The following ICA1 variants were observed in gnomAD, a reference collection of about 807,000 sequenced individuals.
ICA1 encodes islet cell autoantigen 1, also known as 69 kDa islet cell autoantigen.
Under a neutral mutation model 71.0 loss-of-function variants are expected in ICA1, and 40 were observed. The observed-to-expected ratio is 0.56, with a 90% CI of 0.44 to 0.73. The LOEUF (loss-of-function observed/expected upper bound fraction) is 0.73, where lower values mean the gene tolerates loss of function less well. Ranked by LOEUF, ICA1 falls within the 30% of genes least tolerant of loss-of-function variation. ICA1 has a pLI of 0.00. For missense variants in ICA1, 578 were observed against 576.5 expected, an observed-to-expected ratio of 1.00 and a Z score of -0.03; for synonymous variants, 207 against 209.5, an observed-to-expected ratio of 0.99 and a Z score of 0.10.
At chr7:8,178,584 T>C (rs1305304601) in intron 6 of ICA1, among the ~76,000 whole-genome samples, 1 of 151,394 alleles carries the variant, frequency 6.6e-6, no homozygotes, top group Non-Finnish European at 1.5e-5. Flanking sequence ...CTTTTTTTTT[T>C]TTTTTTAAAA....
In ICA1 at chr7:8,232,565, G is replaced by C. The variant is rs1339163843; in HGVS notation, c.183+25C>G. The C allele has an allele frequency of 5.0e-6, 8 of 1,585,140 alleles. No individual in the cohort carries two copies. In the Admixed American group the frequency reaches 5.3e-5, roughly 10 times the overall value. On this transcript the variant is annotated intron_variant, in intron 3 of 13. Coordinates refer to ENST00000402384, the MANE Select transcript of ICA1 (RefSeq NM_001136020.3). ...TGATCCTAGCAAGGTGGCTGTGTTGGGGCTGACAGCAATAAAGAGCTCACC... is the reference window on the plus strand; with the variant it reads ...TGATCCTAGCAAGGTGGCTGTGTTGCGGCTGACAGCAATAAAGAGCTCACC...
intron 1 of ICA1, among the ~76,000 whole-genome samples, chr7:8,250,962 G>A (rs1201521164): frequency 8.8e-6 from 1 of 113,290 alleles, no homozygotes; most frequent in Non-Finnish European, 1.7e-5. Context: ...GTGCAATTGT[G>A]ACATTACAGC....
At chr7:8,227,384 G>A (rs189650838) in intron 4 of ICA1, among the ~76,000 whole-genome samples, 3 of 152,210 alleles carry the variant, frequency 2.0e-5, no homozygotes, top group Non-Finnish European at 2.9e-5. Flanking sequence ...GAGAATCTGC[G>A]AGCTATTTAG....
chr7:8,249,514 C>T (rs1807397117), intron 1 of ICA1, among the ~76,000 whole-genome samples: 1 of 152,218 alleles, frequency 6.6e-6, no homozygotes, highest in Non-Finnish European at 1.5e-5. Flanking sequence ...GTTTATTTCA[C>T]ACTCGGTGGG....
At chr7:8,208,965 G>A (rs1009669205) in intron 6 of ICA1, among the ~76,000 whole-genome samples, 11 of 152,188 alleles carry the variant, frequency 7.2e-5, no homozygotes, top group African/African-American at 2.7e-4. Flanking sequence ...CCTGGAACTT[G>A]ATGGTTCCAC....
intron 6 of ICA1, among the ~76,000 whole-genome samples, chr7:8,181,044 T>C (rs563536143): frequency 1.3e-5 from 2 of 152,250 alleles, no homozygotes; most frequent in South Asian, 2.1e-4. Context: ...TGTTAAGAAC[T>C]CTTTATCTGT....
At chr7:8,124,824 T>C (rs1370717946) in intron 13 of ICA1, among the ~76,000 whole-genome samples, 3 of 152,024 alleles carry the variant, frequency 2.0e-5, no homozygotes, top group African/African-American at 4.8e-5. Flanking sequence ...TCCCTCACTC[T>C]GTCACCCAGA....
At chr7:8,235,778 T>C (rs1374980000) in intron 2 of ICA1, 132 bp downstream of exon 2, 1 of 853,090 alleles carries the variant, frequency 1.2e-6, no homozygotes, top group Non-Finnish European at 1.8e-6. Context: ...TGAATTTGGC[T>C]CAGCATTGGT....
intron 13 of ICA1, chr7:8,116,328 A>G (rs1314267644): frequency 2.6e-5 from 4 of 152,170 alleles, no homozygotes; most frequent in Non-Finnish European, 5.9e-5. Flanking sequence ...GACCAGTCTA[A>G]TATTCAAAAC....
At chr7:8,214,913 A>G (rs560819603) in intron 6 of ICA1, among the ~76,000 whole-genome samples, 18 of 152,312 alleles carry the variant, frequency 1.2e-4, no homozygotes, top group Admixed American at 1.0e-3. Flanking sequence ...TCTAAAGACA[A>G]TGAAGAGCTC....
chr7:8,256,808 A>C (rs1810382706), intron 1 of ICA1, among the ~76,000 whole-genome samples: 1 of 152,200 alleles, frequency 6.6e-6, no homozygotes. Flanking sequence ...CACAGTAGCC[A>C]TTCAGTACAT....
At chr7:8,156,693 G>C in intron 8 of ICA1, 1 of 775,804 alleles carries the variant, frequency 1.3e-6, no homozygotes, top group Non-Finnish European at 1.9e-6. Context: ...GAGAGGAAAG[G>C]AGGACACCTT....
At chr7:8,185,605 T>C (rs918181854) in intron 6 of ICA1, among the ~76,000 whole-genome samples, 6 of 152,192 alleles carry the variant, frequency 3.9e-5, no homozygotes, top group South Asian at 2.1e-4. Flanking sequence ...GCATACTTAA[T>C]CTTAAGAACC....
intron 6 of ICA1, among the ~76,000 whole-genome samples, chr7:8,162,665 C>T (rs1804316070): frequency 6.6e-6 from 1 of 152,086 alleles, no homozygotes; most frequent in African/African-American, 2.4e-5. Context: ...TTTGAAGGCC[C>T]TTTTAAAATT....
rs546385010 is a variant in ICA1 at position 8,221,248 on chromosome 7, G to A, written c.380+27C>T. The A allele has an allele frequency of 6.2e-6, 10 of 1,612,640 alleles. No individual in the cohort carries two copies. The African/African-American group carries it at 1.2e-4, about 19-fold the overall frequency. ...CCCGGAGTCTCCTCAGATCCCCCCA[G>A]ATAGAACCCCACTAAAGGCCACACA... On this transcript the variant is annotated intron_variant, in intron 5 of 13. Transcript: ENST00000402384.
intron 1 of ICA1, among the ~76,000 whole-genome samples, chr7:8,239,536 T>C (rs62433202): frequency 2.4e-4 from 36 of 152,200 alleles, no homozygotes; most frequent in East Asian, 7.7e-4. Flanking sequence ...GTTCATCTCA[T>C]TGGGACTGGT....
At chr7:8,115,627 T>A (rs1784548573) in intron 13 of ICA1, among the ~76,000 whole-genome samples, 1 of 152,206 alleles carries the variant, frequency 6.6e-6, no homozygotes, top group Non-Finnish European at 1.5e-5. Flanking sequence ...TGCAACTTAT[T>A]TGCATAACAC....
chr7:8,201,571 T>A (rs1476733490), intron 6 of ICA1, among the ~76,000 whole-genome samples: 1 of 152,164 alleles, frequency 6.6e-6, no homozygotes, highest in Non-Finnish European at 1.5e-5. Flanking sequence ...GGGTTGCCTC[T>A]CAGGCCTGAC....
intron 1 of ICA1, among the ~76,000 whole-genome samples, chr7:8,250,007 G>A (rs1272057692): frequency 6.6e-6 from 1 of 152,154 alleles, no homozygotes; most frequent in African/African-American, 2.4e-5. Context: ...GGAGGAACAC[G>A]GCCTGAGAGC....
Sources: allele counts gnomAD v4.1 joint callset (sites outside exome capture counted in the v4.1 genomes callset), GRCh38; gene constraint gnomAD v4.1.1; transcripts MANE v1.5; gene names NCBI Gene and HGNC (gene_info 2026-07-23, HGNC 2026-07-21).